BRAP: variants seen among roughly 807,000 people sequenced by gnomAD.
BRAP encodes BRCA1-associated protein.
Under a neutral mutation model 73.4 loss-of-function variants are expected in BRAP, and 42 were observed. That is an observed-to-expected ratio of 0.57 (90% confidence interval 0.45 to 0.74). BRAP has a LOEUF of 0.74. Ranked by LOEUF, BRAP falls within the 30% of genes least tolerant of loss-of-function variation. BRAP has a pLI of 0.00. For missense variants in BRAP, 593 were observed against 751.4 expected (o/e 0.79, Z 2.46); for synonymous variants, 255 against 267.4 (o/e 0.95, Z 0.45).
At chr12:111,650,086 G>T in intron 10 of BRAP, 44 bp from the exon 11 acceptor site, 2 of 1,394,968 alleles carry the variant, frequency 1.4e-6, no homozygotes, top group Non-Finnish European at 2.0e-6. Context: ...CAAAGGTAAT[G>T]TGGTGTGCTC....
chr12:111,663,945 A>G (rs1404611628), intron 6 of BRAP, among the ~76,000 whole-genome samples: 2 of 152,196 alleles, frequency 1.3e-5, no homozygotes, highest in African/African-American at 4.8e-5. Flanking sequence ...CTCCTCCTGT[A>G]TAAAATGAGG....
intron 11 of BRAP, among the ~76,000 whole-genome samples, chr12:111,646,915 T>C (rs554748604): frequency 6.6e-6 from 1 of 152,338 alleles, no homozygotes; most frequent in East Asian, 1.9e-4. Flanking sequence ...GTATTGCTTA[T>C]AGTAGTGTGA....
chr12:111,679,134 A>C lies in BRAP; in HGVS notation c.633+17T>G. On this transcript the variant is annotated intron_variant, in intron 4 of 11. Coordinates refer to ENST00000419234, the MANE Select transcript of BRAP (RefSeq NM_006768.5). The stretch of plus-strand genomic sequence containing the variant: ...TTCTGTGGCAAAGAGATTTTTAATA[A>C]ATTTAATAACTTTTACCTGTGCACG... 2 of 1,454,724 alleles carry C rather than the reference A, an allele frequency of 1.4e-6. No homozygotes were observed. Among genetic ancestry groups the C allele is most frequent in the Non-Finnish European group, 1.8e-6 (2 of 1,088,700 alleles). 90.1% of individuals were successfully genotyped at this position (1,454,724 alleles called of 1,614,324 possible).
intron 4 of BRAP, among the ~76,000 whole-genome samples, chr12:111,677,785 G>A (rs1265700338): frequency 1.3e-5 from 2 of 152,174 alleles, no homozygotes; most frequent in South Asian, 2.1e-4. Flanking sequence ...TGTTCTTAAT[G>A]TCAACTTGTA....
chr12:111,685,621 G>T (rs1289880052), intron 1 of BRAP, 90 bp downstream of exon 1: 1 of 1,434,540 alleles, frequency 7.0e-7, no homozygotes, highest in Non-Finnish European at 9.2e-7. Flanking sequence ...AGCCCTCGCC[G>T]CGGGCTTTTC....
At chr12:111,668,283 TCAGA>T (rs1439750728) in intron 5 of BRAP, among the ~76,000 whole-genome samples, 2 of 152,190 alleles carry the variant, frequency 1.3e-5, no homozygotes, top group South Asian at 2.1e-4. Flanking sequence ...ATTTAAATCC[TCAGA>T]CAAAGTTACA....
chr12:111,650,001 C>T lies in BRAP; in HGVS notation c.1353G>A (p.Lys451=), dbSNP rs61739319. The T allele has an allele frequency of 2.9e-3, 4,649 of 1,611,846 alleles. 123 individuals are homozygous for T. The African/African-American group carries it at 0.053, about 18-fold the overall frequency. The change falls in exon 11 of 12, where the codon AAG becomes AAA. Residue 451 remains lysine, a synonymous_variant. Transcript: ENST00000419234. ...TTAGTTTGTGCTCTAGATTATCACA[C>T]TTCTCAATTGTTTCTTTAAACTTGG... The part of the protein sequence containing the change: ...MKTKFKETIE[K]CDNLEHKLND...
At position 111,685,794 on chromosome 12, in the gene BRAP, G is replaced by A. The variant is rs1157036679; in HGVS notation, c.-2C>T. On this transcript the variant is annotated 5_prime_UTR_variant, in exon 1 of 12. Coordinates refer to ENST00000419234, the MANE Select transcript of BRAP (RefSeq NM_006768.5). The stretch of plus-strand genomic sequence containing the variant: ...GATAACAACCAGTGACACACTCATA[G>A]GGCAGGCGCTGGCCGGCGCGGGCCC... The A allele has an allele frequency of 1.3e-6, 2 of 1,580,222 alleles. No homozygotes were observed. Among genetic ancestry groups the A allele is most frequent in the Non-Finnish European group, 1.7e-6 (2 of 1,165,166 alleles).
chr12:111,680,019 A>G (rs75117773), intron 3 of BRAP, among the ~76,000 whole-genome samples: 2,344 of 150,128 alleles, frequency 0.016, 72 homozygotes, highest in African/African-American at 0.054. Context: ...GTCTTGCTGC[A>G]TGGTCTCGGC....
chr12:111,682,919 T>G (rs983564430), intron 2 of BRAP, among the ~76,000 whole-genome samples: 9 of 149,656 alleles, frequency 6.0e-5, no homozygotes, highest in Admixed American at 4.7e-4. Flanking sequence ...AAAAAAAAAG[T>G]CCCCCCCGTC....
intron 9 of BRAP, among the ~76,000 whole-genome samples, chr12:111,657,590 T>C (rs1886581077): frequency 6.6e-6 from 1 of 152,130 alleles, no homozygotes. Flanking sequence ...ATATAAAACA[T>C]GACTCGTGGC....
chr12:111,655,461 G>A (rs1456819244), intron 10 of BRAP, 105 bp downstream of exon 10: 1 of 893,086 alleles, frequency 1.1e-6, no homozygotes, highest in Non-Finnish European at 1.8e-6. Flanking sequence ...CCTGAGAAGG[G>A]AAGATGGTAA....
chr12:111,654,594 G>A (rs1170866576), intron 10 of BRAP, among the ~76,000 whole-genome samples: 2 of 152,196 alleles, frequency 1.3e-5, no homozygotes, highest in Non-Finnish European at 2.9e-5. Context: ...GGGATTACAG[G>A]TGTGAGCCAC....
intron 3 of BRAP, 52 bp downstream of exon 3, chr12:111,681,583 CAA>C (rs368877992): frequency 0.058 from 62,671 of 1,072,480 alleles, no homozygotes; most frequent in Admixed American, 0.088. Flanking sequence ...TAAAGCAAAG[CAA>C]AAAAAAAAAA....
In BRAP at chr12:111,644,081, C is replaced by A; in HGVS notation, c.*118G>T. 7.1e-7 allele frequency: 1 copy of A among 1,399,816 alleles called. No homozygotes were observed. The highest frequency in any genetic ancestry group is 1.4e-5 in the South Asian group (1 of 69,794). 86.7% of individuals were successfully genotyped at this position (1,399,816 alleles called of 1,614,324 possible). ...ACTAGCAAATGAAAGAGCCAAACAA[C>A]TGTGGCTTGATCCTCACTTGTACTT... On this transcript the variant is annotated 3_prime_UTR_variant, in exon 12 of 12. Coordinates refer to ENST00000419234, the MANE Select transcript of BRAP (RefSeq NM_006768.5).
intron 4 of BRAP, among the ~76,000 whole-genome samples, chr12:111,674,256 T>C (rs1399420309): frequency 6.6e-6 from 1 of 152,138 alleles, no homozygotes; most frequent in Non-Finnish European, 1.5e-5. Context: ...CCACCTTTTT[T>C]TTTTGAGATG....
intron 8 of BRAP, 49 bp downstream of exon 8, chr12:111,659,158 A>G: frequency 6.3e-7 from 1 of 1,582,662 alleles, no homozygotes; most frequent in Non-Finnish European, 8.6e-7. Context: ...TGTGAAGGCA[A>G]AGTTTCCACA....
chr12:111,681,130 G>C (rs1375629982), intron 3 of BRAP, among the ~76,000 whole-genome samples: 1 of 152,128 alleles, frequency 6.6e-6, no homozygotes, highest in Non-Finnish European at 1.5e-5. Context: ...AGCACTTTGG[G>C]AGGCTGAGGC....
At chr12:111,651,635 CTT>C (rs761275581) in intron 10 of BRAP, among the ~76,000 whole-genome samples, 6 of 124,970 alleles carry the variant, frequency 4.8e-5, no homozygotes, top group Admixed American at 2.5e-4. Context: ...GATTTCTTTT[CTT>C]TTTTTTTTTT....
Sources: gnomAD v4.1 joint callset for allele counts (sites outside exome capture counted in the v4.1 genomes callset) on GRCh38, gnomAD v4.1.1 for gene constraint, MANE v1.5 for transcripts, NCBI Gene and HGNC (gene_info 2026-07-23, HGNC 2026-07-21) for gene names.